Variants in PCDHGA1 observed in about 807,000 individuals in gnomAD.
The protein encoded by PCDHGA1 is protocadherin gamma subfamily A, 1, also known as protocadherin gamma-A1.
Under a neutral mutation model 58.0 loss-of-function variants are expected in PCDHGA1, and 32 were observed. The ratio of observed to expected loss-of-function variants is 0.55; its 90% confidence interval spans 0.42 to 0.74. The LOEUF (loss-of-function observed/expected upper bound fraction) is 0.74, where lower values mean the gene tolerates loss of function less well. Among genes scored for constraint, PCDHGA1 ranks in the 30% least tolerant of loss-of-function variants. The pLI is 0.00. For synonymous variants in PCDHGA1, 498 were observed against 501.1 expected, an observed-to-expected ratio of 0.99 and a Z score of 0.08; for missense variants, 1,205 against 1,182.3, an observed-to-expected ratio of 1.02 and a Z score of -0.28.
At chr5:141,400,560 C>CGTAA in intron 1 of PCDHGA1, 5 of 1,613,248 alleles carry the variant, frequency 3.1e-6, no homozygotes, top group Non-Finnish European at 3.4e-6. Flanking sequence ...TTTCATTACC[C>CGTAA]ACCCAATTTT....
chr5:141,497,495 T>C (rs193075970), intron 2 of PCDHGA1, among the ~76,000 whole-genome samples: 28 of 151,186 alleles, frequency 1.9e-4, no homozygotes, highest in Admixed American at 1.7e-3. Context: ...TCTCTCTCTC[T>C]CCTCTCTCTG....
At chr5:141,449,658 C>T (rs1413506303) in intron 1 of PCDHGA1, among the ~76,000 whole-genome samples, 5 of 149,582 alleles carry the variant, frequency 3.3e-5, no homozygotes, top group Admixed American at 3.3e-4. Flanking sequence ...TTTACATACA[C>T]ACCCAAGTGT....
At chr5:141,395,092 C>CT (rs2093168204) in intron 1 of PCDHGA1, 4 of 1,614,088 alleles carry the variant, frequency 2.5e-6, no homozygotes, top group Non-Finnish European at 3.4e-6. Context: ...GTCTCCCTCA[C>CT]CGCCGACTCG....
In PCDHGA1 at chr5:141,493,930, A is replaced by G. The variant is rs547125826; in HGVS notation, c.2422-877A>G. Among the ~76,000 whole-genome samples the G allele has an allele frequency of 6.6e-6, 1 of 152,268 alleles. No homozygotes were observed. The highest frequency in any genetic ancestry group is 6.5e-5 in the Admixed American group (1 of 15,300). ...TGTGATGGGATAACACACCCCCTGG[A>G]AAGACCAGAAGGGACTCAGGAATGA... On this transcript the variant is annotated intron_variant, in intron 1 of 3. Transcript: ENST00000517417. This position sits in a 1 kb window ranked among gnomAD's most constrained non-coding sequence, Gnocchi z 4.3.
chr5:141,341,278 T>C, intron 1 of PCDHGA1: 1 of 1,614,186 alleles, frequency 6.2e-7, no homozygotes, highest in Non-Finnish European at 8.5e-7. Context: ...GCCACCTGAT[T>C]TTCCCCCAGC....
intron 2 of PCDHGA1, among the ~76,000 whole-genome samples, chr5:141,504,572 A>G (rs184273457): frequency 6.7e-6 from 1 of 148,962 alleles, no homozygotes; most frequent in Admixed American, 6.9e-5. Flanking sequence ...TCTAGGGAAC[A>G]CCATCTGCCC....
intron 1 of PCDHGA1, chr5:141,478,112 G>A (rs2099430344): frequency 1.2e-6 from 2 of 1,613,968 alleles, no homozygotes; most frequent in South Asian, 2.2e-5. Flanking sequence ...CACTGTGTCA[G>A]TAACCGAGGA....
At chr5:141,377,750 G>A (rs532331824) in intron 1 of PCDHGA1, 1 of 152,230 alleles carries the variant, frequency 6.6e-6, no homozygotes, top group South Asian at 2.1e-4. Context: ...ACTGCAGCAG[G>A]GGACACCAGA....
intron 1 of PCDHGA1, among the ~76,000 whole-genome samples, chr5:141,443,654 G>A (rs2098397947): frequency 6.6e-6 from 1 of 152,150 alleles, no homozygotes; most frequent in Non-Finnish European, 1.5e-5. Context: ...TGTTAGCATA[G>A]CATTTTACTG....
chr5:141,415,761 T>TG (rs1485369884), intron 1 of PCDHGA1: 1 of 1,399,490 alleles, frequency 7.1e-7, no homozygotes, highest in Non-Finnish European at 9.3e-7. Flanking sequence ...TTTTTTTTTT[T>TG]TTTTTTTTTT....
At chr5:141,376,247 T>G in intron 1 of PCDHGA1, 1 of 1,614,192 alleles carries the variant, frequency 6.2e-7, no homozygotes, top group Non-Finnish European at 8.5e-7. Flanking sequence ...CTGGCACAAG[T>G]CACGCCTGCT....
At chr5:141,453,451 T>C (rs1052905667) in intron 1 of PCDHGA1, among the ~76,000 whole-genome samples, 1 of 152,096 alleles carries the variant, frequency 6.6e-6, no homozygotes, top group Non-Finnish European at 1.5e-5. Flanking sequence ...TTTTTGAATA[T>C]GTAAAACATT....
intron 1 of PCDHGA1, chr5:141,372,627 G>A (rs2150009906): frequency 3.1e-6 from 5 of 1,613,974 alleles, no homozygotes; most frequent in Admixed American, 1.7e-5. Context: ...CACCTACAGC[G>A]AAAGGACTTT....
chr5:141,332,448 G>A lies in PCDHGA1; in HGVS notation c.1764G>A (p.Val588=). 2 of 1,613,940 alleles carry A rather than the reference G, an allele frequency of 1.2e-6. No individual in the cohort carries two copies. ...APLSAEPGYL[V]TKVVAVDRDS... ...TCTCCGCAGAGCCCGGCTACCTGGT[G>A]ACCAAGGTGGTGGCGGTGGACAGAG... The change falls in exon 1 of 4, where the codon GTG becomes GTA. Residue 588 remains valine, a synonymous_variant. Transcript: ENST00000517417. The surrounding 1 kb of genome is among the most constrained non-coding windows in gnomAD (Gnocchi z 4.6).
At chr5:141,414,358 C>T (rs1414747968) in intron 1 of PCDHGA1, 1 of 1,613,818 alleles carries the variant, frequency 6.2e-7, no homozygotes, top group Non-Finnish European at 8.5e-7. Context: ...GGCGTATCTA[C>T]CATTTAAATT....
chr5:141,357,987 C>T (rs921164860), intron 1 of PCDHGA1, among the ~76,000 whole-genome samples: 3 of 152,080 alleles, frequency 2.0e-5, no homozygotes, highest in African/African-American at 7.2e-5. Flanking sequence ...CTCAGGAGTT[C>T]GAGACCAGTC....
At chr5:141,390,390 A>G (rs2092135147) in intron 1 of PCDHGA1, 4 of 1,406,748 alleles carry the variant, frequency 2.8e-6, no homozygotes, top group Middle Eastern at 3.7e-4. Flanking sequence ...GATGTCATGG[A>G]TCATTTTAGG....
In PCDHGA1 at chr5:141,491,049, G is replaced by A. The variant is rs369146505; in HGVS notation, c.2422-3758G>A. Reference sequence around the variant, plus strand: ...TGGATGCTGATGCAGGCCACAATGCGTGGCTCTCCTACTCACTGTTGCCAC... The same window carrying A: ...TGGATGCTGATGCAGGCCACAATGCATGGCTCTCCTACTCACTGTTGCCAC... On this transcript the variant is annotated intron_variant, in intron 1 of 3. Coordinates refer to ENST00000517417, the MANE Select transcript of PCDHGA1 (RefSeq NM_018912.3). This position sits in a 1 kb window ranked among gnomAD's most constrained non-coding sequence, Gnocchi z 6.9. The A allele has an allele frequency of 3.3e-5, 53 of 1,614,116 alleles. No individual in the cohort carries two copies. The African/African-American group carries it at 5.5e-4, about 17-fold the overall frequency.
intron 1 of PCDHGA1, chr5:141,345,447 T>C (rs371756712): frequency 6.8e-6 from 11 of 1,613,944 alleles, no homozygotes; most frequent in Non-Finnish European, 8.5e-6. Context: ...AGCCTCCATC[T>C]TCTCAGTGAC....
Sources: gnomAD v4.1 joint callset for allele counts (sites outside exome capture counted in the v4.1 genomes callset) on GRCh38, gnomAD v4.1.1 for gene constraint, Gnocchi (gnomAD v3.1) non-coding constraint, MANE v1.5 for transcripts, NCBI Gene and HGNC (gene_info 2026-07-23, HGNC 2026-07-21) for gene names.